PCNX2: variants seen among roughly 807,000 people sequenced by gnomAD.
PCNX2 encodes pecanex 2.
PCNX2 carries 168 observed loss-of-function variants against 223.8 expected under a neutral mutation model. The ratio of observed to expected loss-of-function variants is 0.75; its 90% CI spans 0.66 to 0.85. The LOEUF (loss-of-function observed/expected upper bound fraction) is 0.85, where lower values mean the gene tolerates loss of function less well. PCNX2 is among the 40% of genes least tolerant of loss of function. The pLI is 0.00. For missense variants in PCNX2, 2,507 were observed against 2,675.5 expected, an observed-to-expected ratio of 0.94 and a Z score of 1.39; for synonymous variants, 1,006 against 1,052.6, an observed-to-expected ratio of 0.96 and a Z score of 0.86.
chr1:233,307,175 A>G, the PCNX2 span, among the ~76,000 whole-genome samples: 2 of 152,230 alleles, frequency 1.3e-5, no homozygotes, highest in East Asian at 1.9e-4. Context: ...ATCAATGTAC[A>G]TATTTGCTAC....
rs1676111211 is a variant in PCNX2 at position 233,126,539 on chromosome 1, A to G, written c.3837+8474T>C. ...TGTTTGTGTGTGTGTGTGTGTGTGT[A>G]AATATACCAGAGGACTGGGAGGATT... On this transcript the variant is annotated intron_variant, in intron 21 of 33. Coordinates refer to ENST00000258229, the MANE Select transcript of PCNX2 (RefSeq NM_014801.4). This position sits in a 1 kb window ranked among gnomAD's most constrained non-coding sequence, Gnocchi z 4.8. Among the ~76,000 whole-genome samples, 1 of 149,726 alleles carries G rather than the reference A, an allele frequency of 6.7e-6. No individual in the cohort carries two copies. The highest frequency in any genetic ancestry group is 6.7e-5 in the Admixed American group (1 of 15,024).
intron 19 of PCNX2, among the ~76,000 whole-genome samples, chr1:233,151,490 T>A (rs1677805409): frequency 6.6e-6 from 1 of 152,202 alleles, no homozygotes; most frequent in Non-Finnish European, 1.5e-5. Flanking sequence ...TTAGTGTTAG[T>A]TGTTTAAGTA....
chr1:233,246,891 T>C (rs1659157042), intron 8 of PCNX2, among the ~76,000 whole-genome samples: 1 of 152,268 alleles, frequency 6.6e-6, no homozygotes, highest in Admixed American at 6.5e-5. Flanking sequence ...GTTCTTATTC[T>C]GCTTTCTGAG....
chr1:233,048,387 G>A (rs1671891124), intron 25 of PCNX2, among the ~76,000 whole-genome samples: 1 of 152,164 alleles, frequency 6.6e-6, no homozygotes, highest in South Asian at 2.1e-4. Context: ...AGCCTGGGAG[G>A]CAGATGTTGC....
intron 20 of PCNX2, among the ~76,000 whole-genome samples, chr1:233,137,588 A>G (rs1306171920): frequency 6.6e-6 from 1 of 152,250 alleles, no homozygotes; most frequent in Non-Finnish European, 1.5e-5. Context: ...TCTATCAATT[A>G]GCCCACAGTA....
chr1:233,124,738 T>G (rs1676004628), intron 21 of PCNX2, among the ~76,000 whole-genome samples: 1 of 152,242 alleles, frequency 6.6e-6, no homozygotes, highest in South Asian at 2.1e-4. Flanking sequence ...ATTACATCAT[T>G]AAGTGCACAT....
chr1:233,161,957 T>A (rs1678507075), intron 17 of PCNX2, among the ~76,000 whole-genome samples: 1 of 147,880 alleles, frequency 6.8e-6, no homozygotes, highest in Non-Finnish European at 1.5e-5. Context: ...TCAAAATTAT[T>A]TTTTATATAT....
chr1:233,202,379 T>C (rs1681171148), intron 13 of PCNX2: 2 of 245,520 alleles, frequency 8.1e-6, no homozygotes, highest in Non-Finnish European at 1.8e-5. Flanking sequence ...TTCCATTTCT[T>C]TTTAAGCAAA....
At chr1:233,293,844 G>A in intron 1 of PCNX2, 2 of 585,466 alleles carry the variant, frequency 3.4e-6, no homozygotes, top group Non-Finnish European at 4.3e-6. Context: ...GTGAGCAGCA[G>A]AACCAGGATT....
intron 4 of PCNX2, among the ~76,000 whole-genome samples, chr1:233,260,362 T>G (rs534811235): frequency 6.6e-6 from 1 of 152,302 alleles, no homozygotes; most frequent in Non-Finnish European, 1.5e-5. Flanking sequence ...ATTCAAAGTA[T>G]GTAAGATTAT....
intron 1 of PCNX2, among the ~76,000 whole-genome samples, chr1:233,280,806 CA>C (rs1329871535): frequency 6.6e-6 from 1 of 152,158 alleles, no homozygotes; most frequent in African/African-American, 2.4e-5. Flanking sequence ...GCAAATTGTA[CA>C]ACCTTTGGAA....
intron 9 of PCNX2, 21 bp downstream of exon 9, chr1:233,236,824 G>A: frequency 6.2e-7 from 1 of 1,606,222 alleles, no homozygotes; most frequent in Non-Finnish European, 8.5e-7. Context: ...TCCACAAACA[G>A]CAATTCTGGA....
Position 233,095,783 on chromosome 1 carries a change from G to T in PCNX2, c.3918C>A (p.His1306Gln). 6.2e-7 allele frequency: 1 copy of T among 1,610,338 alleles called. No individual in the cohort carries two copies. The highest frequency in any genetic ancestry group is 8.5e-7 in the Non-Finnish European group (1 of 1,177,834). Residue 1306 changes from histidine to glutamine, a missense_variant, in exon 22 of 34, where the codon CAC (histidine) becomes CAA (glutamine). This residue lies in a region of PCNX2 where 1,372 missense variants were observed against 1,509.4 expected (regional missense o/e 0.91). Coordinates refer to ENST00000258229, the MANE Select transcript of PCNX2 (RefSeq NM_014801.4). ...PWQMAWGSSF[H>Q]VFAQLFAIPH... ...GAATGGCAAAGAGCTGAGCAAACACGTGAAACGAAGAACCCCAAGCCATCT... is the reference window on the plus strand; with the variant it reads ...GAATGGCAAAGAGCTGAGCAAACACTTGAAACGAAGAACCCCAAGCCATCT...
rs1286690715 is a variant in PCNX2, at chr1:233,286,111, T to A, written c.153+9215A>T. On this transcript the variant is annotated intron_variant, in intron 1 of 33. Transcript: ENST00000258229. ...GATGAGTTACATGATCCTAAATTCC[T>A]TACTCAAAATGATGTAATAGAATTT... 3.3e-5 allele frequency among the ~76,000 whole-genome samples: 5 copies of A among 152,236 alleles called. No homozygotes were observed. In the East Asian group the frequency reaches 9.6e-4, roughly 29 times the overall value.
At chr1:233,310,304 C>A in the PCNX2 span, among the ~76,000 whole-genome samples, 4 of 152,054 alleles carry the variant, frequency 2.6e-5, no homozygotes, top group Admixed American at 2.6e-4. Flanking sequence ...AATGAAATAT[C>A]TGATGTATCT....
At chr1:233,018,290 G>A (rs759483205) in intron 26 of PCNX2, among the ~76,000 whole-genome samples, 17 of 151,950 alleles carry the variant, frequency 1.1e-4, no homozygotes, top group African/African-American at 1.7e-4. Flanking sequence ...CCCAAAGTGC[G>A]AGGATTACAG....
chr1:233,166,580 G>A (rs763751828), intron 17 of PCNX2, among the ~76,000 whole-genome samples: 2 of 152,108 alleles, frequency 1.3e-5, no homozygotes, highest in Non-Finnish European at 2.9e-5. Context: ...CTGAACAGAC[G>A]CTTCACTGAA....
chr1:233,250,932 G>A, intron 7 of PCNX2, 100 bp from the exon 8 acceptor site: 1 of 1,305,534 alleles, frequency 7.7e-7, no homozygotes, highest in Non-Finnish European at 1.0e-6. Context: ...ACTTATTTTG[G>A]TCTGTTATAA....
chr1:233,275,259 G>T (rs553401841), intron 1 of PCNX2, among the ~76,000 whole-genome samples: 1 of 152,212 alleles, frequency 6.6e-6, no homozygotes, highest in African/African-American at 2.4e-5. Context: ...GCTGGAGTGC[G>T]TGGTGAGATC....
Sources: gnomAD v4.1 joint callset for allele counts (sites outside exome capture counted in the v4.1 genomes callset) on GRCh38, gnomAD v4.1.1 for gene constraint, gnomAD v4.1.1 regional missense constraint, Gnocchi (gnomAD v3.1) non-coding constraint, MANE v1.5 for transcripts, NCBI Gene and HGNC (gene_info 2026-07-23, HGNC 2026-07-21) for gene names.